ZNF722: variants seen among roughly 807,000 people sequenced by gnomAD.
The protein encoded by ZNF722 is zinc finger protein 722.
chr7:64,000,782 G>T, the ZNF722 span, among the ~76,000 whole-genome samples: 1,878 of 149,386 alleles, frequency 0.013, 63 homozygotes, highest in East Asian at 0.079. Context: ...TTTTTTTGGC[G>T]GGGGGAGCGG....
chr7:64,011,101 G>C, the ZNF722 span, among the ~76,000 whole-genome samples: 1 of 151,616 alleles, frequency 6.6e-6, no homozygotes, highest in African/African-American at 2.4e-5. Flanking sequence ...TTTTGGTGAG[G>C]ATGGATCTTC....
chr7:64,010,593 A>G, the ZNF722 span, among the ~76,000 whole-genome samples: 1 of 152,116 alleles, frequency 6.6e-6, no homozygotes, highest in East Asian at 1.9e-4. Flanking sequence ...TTTGATTGCA[A>G]TGTGGTCTGA....
the ZNF722 span, among the ~76,000 whole-genome samples, chr7:64,017,787 A>G: frequency 6.6e-6 from 1 of 152,236 alleles, no homozygotes; most frequent in Non-Finnish European, 1.5e-5. Context: ...AAAGAGATCC[A>G]AAGATAACAG....
the ZNF722 span, among the ~76,000 whole-genome samples, chr7:64,003,150 G>A: frequency 6.6e-6 from 1 of 152,178 alleles, no homozygotes; most frequent in Non-Finnish European, 1.5e-5. Context: ...TGCACTGCCT[G>A]CCCTGTTTCA....
the ZNF722 span, among the ~76,000 whole-genome samples, chr7:63,999,214 A>G: frequency 6.6e-6 from 1 of 152,128 alleles, no homozygotes. Flanking sequence ...TTTCCTCTGC[A>G]GTGGCTTTGC....
At chr7:64,011,717 A>G in the ZNF722 span, among the ~76,000 whole-genome samples, 3 of 151,952 alleles carry the variant, frequency 2.0e-5, no homozygotes, top group African/African-American at 4.8e-5. Context: ...GAATCTGACA[A>G]TTATGTGTCT....
At chr7:64,013,777 T>G in the ZNF722 span, among the ~76,000 whole-genome samples, 12 of 152,192 alleles carry the variant, frequency 7.9e-5, 3 homozygotes, top group South Asian at 2.5e-3. Context: ...CATATTATTT[T>G]AAGTGGAAAG....
the ZNF722 span, among the ~76,000 whole-genome samples, chr7:64,012,847 A>C: frequency 0.022 from 3,316 of 152,200 alleles, 117 homozygotes; most frequent in African/African-American, 0.073. Flanking sequence ...TCCCTTATGG[A>C]TGACTTGGCA....
the ZNF722 span, chr7:64,006,316 C>A: frequency 7.7e-7 from 1 of 1,295,758 alleles, no homozygotes; most frequent in Non-Finnish European, 1.1e-6. Flanking sequence ...AGCCAAACAC[C>A]CAGGTAGGTG....
At chr7:64,004,361 A>T in the ZNF722 span, among the ~76,000 whole-genome samples, 1 of 143,680 alleles carries the variant, frequency 7.0e-6, no homozygotes, top group Non-Finnish European at 1.5e-5. Flanking sequence ...GTGAGATGAG[A>T]TTGCACCACT....
chr7:64,006,202 C>CT, the ZNF722 span: 57 of 1,155,548 alleles, frequency 4.9e-5, 1 homozygote, highest in South Asian at 4.4e-4. Context: ...ATTTATCTTA[C>CT]TTTTTTTTCT....
At chr7:64,006,954 G>A in the ZNF722 span, among the ~76,000 whole-genome samples, 3 of 151,608 alleles carry the variant, frequency 2.0e-5, no homozygotes. Context: ...TTCATAAATG[G>A]TGTTGCTGTA....
the ZNF722 span, chr7:64,005,583 TTTTTTGTTTTTG>T: frequency 2.2e-6 from 2 of 925,238 alleles, no homozygotes; most frequent in South Asian, 1.4e-5. Context: ...TTCATGAGTG[TTTTTTGTTTTTG>T]TTTTTGTTTT....
the ZNF722 span, among the ~76,000 whole-genome samples, chr7:64,001,706 G>A: frequency 6.6e-6 from 1 of 152,144 alleles, no homozygotes; most frequent in Non-Finnish European, 1.5e-5. Context: ...CTCACTTGCA[G>A]TGTATAAGCA....
the ZNF722 span, chr7:63,998,900 C>A: frequency 2.0e-6 from 3 of 1,490,828 alleles, no homozygotes; most frequent in Non-Finnish European, 1.8e-6. Context: ...CAGGGCTCTG[C>A]ATTCTCTGCT....
At chr7:64,016,031 A>T in the ZNF722 span, 1 of 762,626 alleles carries the variant, frequency 1.3e-6, no homozygotes, top group Non-Finnish European at 2.0e-6. Flanking sequence ...TCCAAACCTT[A>T]ATAGAAAATA....
At chr7:64,015,306 G>T in the ZNF722 span, 1 of 1,288,402 alleles carries the variant, frequency 7.8e-7, no homozygotes, top group South Asian at 1.2e-5. Flanking sequence ...AAGATATACT[G>T]GAAAGAAACA....
At chr7:64,011,743 C>T in the ZNF722 span, among the ~76,000 whole-genome samples, 1 of 152,068 alleles carries the variant, frequency 6.6e-6, no homozygotes, top group Non-Finnish European at 1.5e-5. Flanking sequence ...TTGCTCTTCT[C>T]GAGGAGTATC....
chr7:64,014,048 C>T, the ZNF722 span, among the ~76,000 whole-genome samples: 21 of 151,994 alleles, frequency 1.4e-4, no homozygotes, highest in African/African-American at 5.1e-4. Flanking sequence ...TATCTTGCAG[C>T]TCCCAAGATT....
Sources: gnomAD v4.1 joint callset for allele counts (sites outside exome capture counted in the v4.1 genomes callset) on GRCh38, gnomAD v4.1.1 for gene constraint, MANE v1.5 for transcripts, NCBI Gene and HGNC (gene_info 2026-07-23, HGNC 2026-07-21) for gene names.